The following NALCN variants were observed in gnomAD, a reference collection of about 807,000 sequenced individuals.
NALCN encodes sodium leak channel NALCN.
NALCN carries 111 observed loss-of-function variants against 225.3 expected under a neutral mutation model. The ratio of observed to expected loss-of-function variants is 0.49; its 90% confidence interval spans 0.42 to 0.58. NALCN has a LOEUF of 0.58. Among genes scored for constraint, NALCN ranks in the 20% least tolerant of loss-of-function variants. The pLI is 0.00. For missense variants in NALCN, 1,378 were observed against 2,202.4 expected (o/e 0.63, Z 7.49); for synonymous variants, 764 against 769.0 (o/e 0.99, Z 0.11).
At chr13:101,411,204 TTTC>T (rs140929361) in intron 1 of NALCN, among the ~76,000 whole-genome samples, 2 of 124,568 alleles carry the variant, frequency 1.6e-5, no homozygotes, top group African/African-American at 3.4e-5. Context: ...CTTTATCCTC[TTTC>T]TTTTTTTTCC....
intron 7 of NALCN, among the ~76,000 whole-genome samples, chr13:101,320,241 T>C (rs1481654776): frequency 6.6e-6 from 1 of 152,220 alleles, no homozygotes; most frequent in East Asian, 1.9e-4. Flanking sequence ...TAGAAAACCA[T>C]GAGTTTCCTC....
At chr13:101,100,916 C>G (rs200785258) in intron 26 of NALCN, 28 bp from the exon 27 acceptor site, 2 of 1,573,414 alleles carry the variant, frequency 1.3e-6, no homozygotes, top group Admixed American at 3.6e-5. Context: ...AATGTTAAAT[C>G]TCTTGTTAAA....
intron 14 of NALCN, among the ~76,000 whole-genome samples, chr13:101,190,451 C>T (rs1236942301): frequency 6.6e-6 from 1 of 152,074 alleles, no homozygotes; most frequent in Non-Finnish European, 1.5e-5. Flanking sequence ...ATGCAAAGAC[C>T]CCAGGGCTAA....
At chr13:101,195,638 C>G (rs1440085880) in intron 13 of NALCN, among the ~76,000 whole-genome samples, 4 of 152,086 alleles carry the variant, frequency 2.6e-5, no homozygotes, top group African/African-American at 9.7e-5. Context: ...TATGCCTATC[C>G]CTATTTAGGA....
At chr13:101,361,294 A>T (rs1566616122) in intron 6 of NALCN, among the ~76,000 whole-genome samples, 2 of 152,164 alleles carry the variant, frequency 1.3e-5, no homozygotes, top group Non-Finnish European at 2.9e-5. Context: ...GGCTACAGTA[A>T]ACACTATTTG....
At chr13:101,268,289 G>A (rs1431179942) in intron 10 of NALCN, among the ~76,000 whole-genome samples, 1 of 152,126 alleles carries the variant, frequency 6.6e-6, no homozygotes, top group African/African-American at 2.4e-5. Flanking sequence ...TGTCATGTTG[G>A]TGACTTGAAA....
At chr13:101,397,600 T>C (rs2047351542) in intron 2 of NALCN, among the ~76,000 whole-genome samples, 1 of 151,302 alleles carries the variant, frequency 6.6e-6, no homozygotes, top group African/African-American at 2.4e-5. Context: ...GTAATGTGTA[T>C]ATATGTGATA....
intron 7 of NALCN, among the ~76,000 whole-genome samples, chr13:101,340,578 T>C (rs1435296696): frequency 6.6e-6 from 1 of 152,226 alleles, no homozygotes; most frequent in Non-Finnish European, 1.5e-5. Context: ...AAGGTAGGTC[T>C]ATCACTTACC....
intron 7 of NALCN, among the ~76,000 whole-genome samples, chr13:101,343,062 T>C (rs1193610013): frequency 6.6e-6 from 1 of 152,116 alleles, no homozygotes; most frequent in African/African-American, 2.4e-5. Flanking sequence ...CCTAATTATG[T>C]TTTAAATTCA....
intron 13 of NALCN, among the ~76,000 whole-genome samples, chr13:101,221,319 A>G (rs1376618458): frequency 6.6e-6 from 1 of 152,088 alleles, no homozygotes; most frequent in Non-Finnish European, 1.5e-5. Flanking sequence ...GGGTTCCACC[A>G]TGTTGGCCAG....
chr13:101,280,116 C>G (rs1030070221), intron 10 of NALCN, among the ~76,000 whole-genome samples: 1 of 152,130 alleles, frequency 6.6e-6, no homozygotes, highest in East Asian at 1.9e-4. Context: ...TATTCTCTCT[C>G]TAATCACAGC....
chr13:101,083,206 A>G lies in NALCN; in HGVS notation c.3584-8T>C, dbSNP rs1248957593. 1 of 1,612,724 alleles carries G rather than the reference A, an allele frequency of 6.2e-7. No homozygotes were observed. The highest frequency in any genetic ancestry group is 8.5e-7 in the Non-Finnish European group (1 of 1,178,976). On this transcript the variant is annotated splice_polypyrimidine_tract_variant and splice_region_variant and intron_variant, in intron 31 of 43. Coordinates refer to ENST00000251127, the MANE Select transcript of NALCN (RefSeq NM_052867.4). ...CTCTAAAACCATCATTATCTAGAAA[A>G]GAAAGGTTTGGGCAAGGGCATTTTA...
intron 9 of NALCN, among the ~76,000 whole-genome samples, chr13:101,286,273 T>C (rs2139019872): frequency 6.6e-6 from 1 of 152,324 alleles, no homozygotes; most frequent in East Asian, 1.9e-4. Context: ...ACAAAGAGAA[T>C]CTGTATGGGG....
chr13:101,350,761 T>C (rs758426399), intron 6 of NALCN, among the ~76,000 whole-genome samples: 5 of 152,146 alleles, frequency 3.3e-5, no homozygotes, highest in African/African-American at 4.8e-5. Flanking sequence ...CATGTCACCC[T>C]CCATAATGTG....
intron 13 of NALCN, among the ~76,000 whole-genome samples, chr13:101,211,235 G>A (rs1199075721): frequency 1.3e-5 from 2 of 152,100 alleles, no homozygotes; most frequent in Admixed American, 6.6e-5. Context: ...TAATATTAAT[G>A]TAAGATGGCA....
At chr13:101,099,205 C>A (rs1341830612) in intron 27 of NALCN, among the ~76,000 whole-genome samples, 1 of 151,948 alleles carries the variant, frequency 6.6e-6, no homozygotes, top group Non-Finnish European at 1.5e-5. Context: ...TGCGTCAGGT[C>A]TCTGTCACTT....
chr13:101,265,222 C>T (rs1266345370), intron 10 of NALCN, among the ~76,000 whole-genome samples: 1 of 152,184 alleles, frequency 6.6e-6, no homozygotes, highest in African/African-American at 2.4e-5. Context: ...CTCAAATCAC[C>T]TTCTATGAAA....
intron 7 of NALCN, among the ~76,000 whole-genome samples, chr13:101,306,397 T>G (rs1227310936): frequency 6.6e-6 from 1 of 152,184 alleles, no homozygotes; most frequent in African/African-American, 2.4e-5. Context: ...ACGTCGGTCC[T>G]CAGAAATGTG....
rs537010723 is a variant in NALCN at position 101,246,913 on chromosome 13, C to T, written c.1267-8991G>A. On this transcript the variant is annotated intron_variant, in intron 11 of 43. Transcript: ENST00000251127. Reference sequence around the variant, plus strand: ...CTAGAAAAGAGGACTCCCTGCAAGACGGCAAAATGAGTTCATGATTTATGA... The same window carrying T: ...CTAGAAAAGAGGACTCCCTGCAAGATGGCAAAATGAGTTCATGATTTATGA... Among the ~76,000 whole-genome samples, 166 of 152,172 alleles carry T rather than the reference C, an allele frequency of 1.1e-3. 1 individual carries two copies. Among genetic ancestry groups the T allele is most frequent in the Middle Eastern group, 6.8e-3 (2 of 294 alleles).
Sources: gnomAD v4.1 joint callset for allele counts (sites outside exome capture counted in the v4.1 genomes callset) on GRCh38, gnomAD v4.1.1 for gene constraint, MANE v1.5 for transcripts, NCBI Gene and HGNC (gene_info 2026-07-23, HGNC 2026-07-21) for gene names.